Variants in DAB2IP observed in about 807,000 individuals in gnomAD.
DAB2IP encodes the protein disabled homolog 2-interacting protein.
DAB2IP carries 28 observed loss-of-function variants against 107.2 expected under a neutral mutation model. The ratio of observed to expected loss-of-function variants is 0.26; its 90% CI spans 0.19 to 0.36. DAB2IP has a LOEUF of 0.36. DAB2IP is among the 10% of genes least tolerant of loss of function. DAB2IP has a pLI of 1.00. For missense variants in DAB2IP, 1,400 were observed against 1,644.7 expected (o/e 0.85, Z 2.57); for synonymous variants, 755 against 706.4 (o/e 1.07, Z -1.09).
chr9:121,776,265 T>G lies in DAB2IP; in HGVS notation c.3188T>G (p.Phe1063Cys). ...AAGCTGGAGGAGTATGAGACCCTGT[T>G]CAAGTGCCAGGAGGAGACGACGCAG... The change falls in exon 14 of 16, where the codon TTC becomes TGC. Residue 1063 changes from phenylalanine to cysteine, a missense_variant. By Grantham distance (205) the Phe-to-Cys change is radical. Transcript: ENST00000408936. This position sits in a 1 kb window ranked among gnomAD's most constrained non-coding sequence, Gnocchi z 5.4. 1 of 1,585,768 alleles carries G rather than the reference T, an allele frequency of 6.3e-7. No homozygotes were observed. The highest frequency in any genetic ancestry group is 8.6e-7 in the Non-Finnish European group (1 of 1,166,296).
At chr9:121,596,158 TA>T (rs1018970342) in intron 1 of DAB2IP, among the ~76,000 whole-genome samples, 143 of 152,058 alleles carry the variant, frequency 9.4e-4, no homozygotes, top group African/African-American at 3.4e-3. Flanking sequence ...CTGTCTCTAT[TA>T]AAAAATACAA....
chr9:121,610,242 G>A (rs139482960), intron 1 of DAB2IP, among the ~76,000 whole-genome samples: 112 of 152,294 alleles, frequency 7.4e-4, no homozygotes, highest in African/African-American at 2.6e-3. Context: ...GCCAGAACCT[G>A]GTGTTAGCAT....
At chr9:121,748,114 T>G (rs905414655) in intron 3 of DAB2IP, among the ~76,000 whole-genome samples, 2 of 152,212 alleles carry the variant, frequency 1.3e-5, no homozygotes, top group African/African-American at 4.8e-5. Flanking sequence ...GTAGCAGTTA[T>G]GATAGTTTAT....
intron 1 of DAB2IP, among the ~76,000 whole-genome samples, chr9:121,606,922 A>G (rs1341191069): frequency 1.3e-5 from 2 of 152,066 alleles, no homozygotes; most frequent in South Asian, 2.1e-4. Flanking sequence ...CTACAGGTGC[A>G]TGCCACCATG....
chr9:121,708,261 G>A (rs943110852), intron 3 of DAB2IP, among the ~76,000 whole-genome samples: 1 of 152,182 alleles, frequency 6.6e-6, no homozygotes, highest in Non-Finnish European at 1.5e-5. Flanking sequence ...ATGTGTGAGT[G>A]GCCCAAAGTC....
chr9:121,597,142 T>G (rs1830547674), intron 1 of DAB2IP, among the ~76,000 whole-genome samples: 1 of 152,256 alleles, frequency 6.6e-6, no homozygotes, highest in South Asian at 2.1e-4. Context: ...CATCTTTTGA[T>G]AAACAGAAGT....
chr9:121,571,420 A>G (rs576671), intron 1 of DAB2IP, among the ~76,000 whole-genome samples: 152,058 of 152,218 alleles, frequency 1, 75,949 homozygotes, highest in Non-Finnish European at 1. Context: ...AGGGCAGAAG[A>G]AACAGCAGGT....
In DAB2IP at chr9:121,659,558, C is replaced by T. The variant is rs140865295; in HGVS notation, c.124+7659C>T. Among the ~76,000 whole-genome samples the T allele has an allele frequency of 3.3e-3, 505 of 152,140 alleles. 1 individual carries two copies. The highest frequency in any genetic ancestry group is 0.012 in the African/African-American group (484 of 41,494). On this transcript the variant is annotated intron_variant, in intron 1 of 15. Transcript: ENST00000408936. ...ATCTAGAAAGAAAACGTTTGGGAGG[C>T]CGAGGTGGGCGGATCACGAGGTCAG... is the stretch of plus-strand genomic sequence containing the variant.
intron 1 of DAB2IP, among the ~76,000 whole-genome samples, chr9:121,667,340 T>G (rs1037020943): frequency 8.6e-5 from 13 of 151,778 alleles, no homozygotes; most frequent in African/African-American, 3.1e-4. Flanking sequence ...CTGCATGGTG[T>G]TTTTTACCTT....
chr9:121,681,129 G>C (rs74350521), intron 2 of DAB2IP, among the ~76,000 whole-genome samples: 4,574 of 152,162 alleles, frequency 0.03, 258 homozygotes, highest in East Asian at 0.16. Flanking sequence ...GGTTCCGAGA[G>C]GTAAAGTCAC....
At chr9:121,738,233 G>T (rs1462284956) in intron 3 of DAB2IP, among the ~76,000 whole-genome samples, 2 of 152,116 alleles carry the variant, frequency 1.3e-5, no homozygotes, top group Non-Finnish European at 2.9e-5. Context: ...AGGGCCTTTA[G>T]CCAGAGGCTC....
chr9:121,671,575 G>A (rs1403377462), intron 1 of DAB2IP, among the ~76,000 whole-genome samples: 1 of 152,156 alleles, frequency 6.6e-6, no homozygotes, highest in Non-Finnish European at 1.5e-5. Flanking sequence ...ATAGAAGGAT[G>A]TTTGGTTGTT....
chr9:121,756,496 C>T (rs138371698), intron 3 of DAB2IP, among the ~76,000 whole-genome samples: 2,177 of 152,352 alleles, frequency 0.014, 25 homozygotes, highest in Middle Eastern at 0.031. Flanking sequence ...CAGCAGGGTC[C>T]CTGTGGCTTT....
intron 1 of DAB2IP, among the ~76,000 whole-genome samples, chr9:121,631,354 T>C (rs1831872389): frequency 6.6e-6 from 1 of 152,040 alleles, no homozygotes; most frequent in Non-Finnish European, 1.5e-5. Flanking sequence ...CTTGAAAATT[T>C]TGACGTAAGA....
chr9:121,782,452 T>C lies in DAB2IP; in HGVS notation c.3524T>C (p.Leu1175Ser). 1 of 1,613,894 alleles carries C rather than the reference T, an allele frequency of 6.2e-7. No individual in the cohort carries two copies. The highest frequency in any genetic ancestry group is 1.3e-5 in the African/African-American group (1 of 74,990). The change falls in exon 16 of 16, where the codon TTG becomes TCG. Residue 1175 changes from leucine (L) to serine (S), a missense_variant. Physicochemically the swap from Leu to Ser is moderately radical, Grantham distance 145. Around this residue, in one of 3 missense-constraint regions of DAB2IP, gnomAD observed 600 missense variants for 659.1 expected, o/e 0.91. Coordinates refer to ENST00000408936, the Ensembl canonical transcript of DAB2IP. The surrounding 1 kb of genome is among the most constrained non-coding windows in gnomAD (Gnocchi z 6.1). ...ATCTCCCCCACCAACCCCACCAAAT[T>C]GCAGATTACTGAGAACGGCGAGTTC...
chr9:121,741,187 G>A (rs1056467408), intron 3 of DAB2IP, among the ~76,000 whole-genome samples: 4 of 152,218 alleles, frequency 2.6e-5, no homozygotes, highest in African/African-American at 9.7e-5. Flanking sequence ...ATAGGATGAG[G>A]CAAGCCTTGA....
rs144254572 is a variant in DAB2IP at position 121,664,066 on chromosome 9, C to T, written c.124+12167C>T. Reference sequence around the variant, plus strand: ...GTCATTATCTCTCTTAGATCTGTTTCTCCACATTTCCTGGTGATCCATTTT... The same window carrying T: ...GTCATTATCTCTCTTAGATCTGTTTTTCCACATTTCCTGGTGATCCATTTT... On this transcript the variant is annotated intron_variant, in intron 1 of 15. Coordinates refer to ENST00000408936, the Ensembl canonical transcript of DAB2IP. Among the ~76,000 whole-genome samples the T allele has an allele frequency of 3.9e-3, 595 of 152,356 alleles. 6 individuals are homozygous for T. Among genetic ancestry groups the T allele is most frequent in the African/African-American group, 0.014 (570 of 41,584 alleles).
rs79327160 is a variant in DAB2IP at position 121,711,071 on chromosome 9, A to C, written c.362+11613A>C. ...CAGAGAGTTTCAGAATTAAGGAAAA[A>C]TGGAGCTGGCAGAGAACTTAGTCTT... is the stretch of plus-strand genomic sequence containing the variant. On this transcript the variant is annotated intron_variant, in intron 3 of 15. Coordinates refer to ENST00000408936, the Ensembl canonical transcript of DAB2IP. Among the ~76,000 whole-genome samples, 3,334 of 152,306 alleles carry C rather than the reference A, an allele frequency of 0.022. 194 individuals carry two copies. The East Asian group carries it at 0.24, about 11-fold the overall frequency.
intron 1 of DAB2IP, among the ~76,000 whole-genome samples, chr9:121,642,029 CTCTTTCT>C (rs1832358982): frequency 3.7e-5 from 1 of 26,720 alleles, no homozygotes; most frequent in Non-Finnish European, 7.4e-5. Flanking sequence ...CTCTCTCTCT[CTCTTTCT>C]TTCTTTCTTT....
Sources: allele counts gnomAD v4.1 joint callset (sites outside exome capture counted in the v4.1 genomes callset), GRCh38; gene constraint gnomAD v4.1.1; regional missense constraint gnomAD v4.1.1; non-coding constraint Gnocchi (gnomAD v3.1); transcripts MANE v1.5; gene names NCBI Gene and HGNC (gene_info 2026-07-23, HGNC 2026-07-21).